The following DYNC1I2 variants were observed in gnomAD, a reference collection of about 807,000 sequenced individuals.
DYNC1I2 encodes the protein dynein cytoplasmic 1 intermediate chain 2.
In DYNC1I2, 53 loss-of-function variants were observed where a neutral mutation model predicts 88.6. The ratio of observed to expected loss-of-function variants is 0.60; its 90% confidence interval spans 0.48 to 0.75. DYNC1I2 has a LOEUF of 0.75. Ranked by LOEUF, DYNC1I2 falls within the 30% of genes least tolerant of loss-of-function variation. DYNC1I2 has a pLI of 0.00. For synonymous variants in DYNC1I2, 198 were observed against 254.6 expected (o/e 0.78, Z 2.12); for missense variants, 458 against 766.6 (o/e 0.60, Z 4.75).
chr2:171,691,476 C>T (rs1188814279), intron 2 of DYNC1I2, among the ~76,000 whole-genome samples: 1 of 151,928 alleles, frequency 6.6e-6, no homozygotes, highest in African/African-American at 2.4e-5. Flanking sequence ...CTCTTGGGGA[C>T]TAAGAGAAAA....
At chr2:171,735,087 T>G (rs1177028855) in intron 15 of DYNC1I2, among the ~76,000 whole-genome samples, 1 of 152,204 alleles carries the variant, frequency 6.6e-6, no homozygotes, top group Non-Finnish European at 1.5e-5. Context: ...AATCGTGAGA[T>G]ATTGCTGTAC....
chr2:171,693,034 C>CT (rs934800855), intron 3 of DYNC1I2, 140 bp downstream of exon 3: 13 of 705,238 alleles, frequency 1.8e-5, no homozygotes, highest in Admixed American at 1.3e-4. Flanking sequence ...TTGGAATTGT[C>CT]TTTTTTTCAG....
rs1338479169 is a variant in DYNC1I2 at position 171,749,263 on chromosome 2, G to T, written c.*1374G>T. On this transcript the variant is annotated 3_prime_UTR_variant, in exon 18 of 18. Transcript: ENST00000397119. ...GTCTGTGCCGCATTCTTTATATGTA[G>T]GAATTAAGTTTTGATTTAATGATTT... Among the ~76,000 whole-genome samples the T allele has an allele frequency of 6.6e-6, 1 of 152,044 alleles. No homozygotes were observed. The highest frequency in any genetic ancestry group is 6.5e-5 in the Admixed American group (1 of 15,270).
rs781370413 is a variant in DYNC1I2 at position 171,729,854 on chromosome 2, G to T, written c.1536+1G>T. ...GACAGTAAAGCTTTGGACAACTAAG[G>T]TATCTAAAATATAGATGTCTGCTAT... On this transcript the variant is annotated splice_donor_variant, in intron 15 of 17. Coordinates refer to ENST00000397119, the MANE Select transcript of DYNC1I2 (RefSeq NM_001378.3). LOFTEE classifies it high-confidence loss of function. 3 of 1,613,478 alleles carry T rather than the reference G, an allele frequency of 1.9e-6. No homozygotes were observed. Among genetic ancestry groups the T allele is most frequent in the South Asian group, 1.1e-5 (1 of 91,048 alleles).
At chr2:171,729,318 T>G (rs959505296) in intron 14 of DYNC1I2, among the ~76,000 whole-genome samples, 3 of 152,150 alleles carry the variant, frequency 2.0e-5, no homozygotes, top group Non-Finnish European at 4.4e-5. Flanking sequence ...AGCTGTACCT[T>G]ATTGCTTCCT....
chr2:171,736,938 G>A (rs570033106), intron 15 of DYNC1I2, among the ~76,000 whole-genome samples: 30 of 152,224 alleles, frequency 2.0e-4, no homozygotes, highest in African/African-American at 7.0e-4. Flanking sequence ...GCTTACCCCA[G>A]CTTTGAAAAA....
chr2:171,713,871 G>T (rs1444060383), intron 6 of DYNC1I2, among the ~76,000 whole-genome samples: 1 of 152,026 alleles, frequency 6.6e-6, no homozygotes, highest in Non-Finnish European at 1.5e-5. Context: ...GCCTCCCATT[G>T]CTTCCTTATT....
chr2:171,715,077 T>G (rs1402856697), intron 6 of DYNC1I2, among the ~76,000 whole-genome samples: 1 of 152,172 alleles, frequency 6.6e-6, no homozygotes, highest in Non-Finnish European at 1.5e-5. Context: ...ACATTTGTTC[T>G]AAAAAAATGA....
At position 171,715,328 on chromosome 2, in the gene DYNC1I2, A is replaced by G. The variant is rs376749327; in HGVS notation, c.396A>G (p.Gly132=). 9 of 1,544,186 alleles carry G rather than the reference A, an allele frequency of 5.8e-6. No homozygotes were observed. The African/African-American group carries it at 1.2e-4, about 21-fold the overall frequency. Residue 132 remains glycine (G), a splice_region_variant and synonymous_variant, in exon 7 of 18, where the codon GGA becomes GGG. Transcript: ENST00000397119. ...TGTTGTTTGTATTTACTTAATTTAG[A>G]CGAGGACCTATTAAACTTGGAATGG... ...VLQLHSDSDL[G]RGPIKLGMAK...
intron 16 of DYNC1I2, among the ~76,000 whole-genome samples, chr2:171,744,800 C>T (rs1390632137): frequency 6.6e-6 from 1 of 151,884 alleles, no homozygotes; most frequent in Non-Finnish European, 1.5e-5. Flanking sequence ...GTATTTTTAC[C>T]AGCTTAGAGA....
At chr2:171,717,366 C>T (rs772638218) in intron 7 of DYNC1I2, among the ~76,000 whole-genome samples, 7 of 152,148 alleles carry the variant, frequency 4.6e-5, no homozygotes, top group South Asian at 2.1e-4. Flanking sequence ...CCACCCACCT[C>T]GGCCTCCCAA....
intron 7 of DYNC1I2, among the ~76,000 whole-genome samples, chr2:171,724,863 T>A (rs1324490437): frequency 6.6e-6 from 1 of 152,236 alleles, no homozygotes; most frequent in Non-Finnish European, 1.5e-5. Flanking sequence ...TTTAAATTAC[T>A]TCCTGGTTTG....
intron 11 of DYNC1I2, among the ~76,000 whole-genome samples, chr2:171,727,328 G>A (rs971073688): frequency 6.6e-6 from 1 of 152,156 alleles, no homozygotes. Context: ...GTTTTAAGTA[G>A]AAACATATGG....
chr2:171,725,607 T>G lies in DYNC1I2; in HGVS notation c.512-11T>G, dbSNP rs1414907764. Reference sequence around the variant, plus strand: ...TTTTGTTTTTTTGTTTGTTTTTTTTTTTTTTTTCAGATGAAGAGGAAGATG... The same window carrying G: ...TTTTGTTTTTTTGTTTGTTTTTTTTGTTTTTTTCAGATGAAGAGGAAGATG... On this transcript the variant is annotated splice_polypyrimidine_tract_variant and intron_variant, in intron 7 of 17. Coordinates refer to ENST00000397119, the MANE Select transcript of DYNC1I2 (RefSeq NM_001378.3). 6 of 1,416,538 alleles carry G rather than the reference T, an allele frequency of 4.2e-6. No individual in the cohort carries two copies. The highest frequency in any genetic ancestry group is 3.0e-5 in the African/African-American group (2 of 66,812). The allele number at this position is 1,416,538 out of a possible 1,614,324, so 87.7% of individuals were successfully genotyped here. A position where few individuals can be genotyped will look rare whatever the true frequency, so the allele number is the denominator to read the frequency against.
At chr2:171,707,562 T>G (rs1341090865) in intron 5 of DYNC1I2, among the ~76,000 whole-genome samples, 185 bp downstream of exon 5, 2 of 152,202 alleles carry the variant, frequency 1.3e-5, no homozygotes, top group African/African-American at 4.8e-5. Flanking sequence ...TTTTTTTTAA[T>G]AATATTTTAA....
chr2:171,746,241 G>T (rs1302999870), intron 17 of DYNC1I2, among the ~76,000 whole-genome samples: 1 of 152,024 alleles, frequency 6.6e-6, no homozygotes, highest in East Asian at 1.9e-4. Flanking sequence ...TGGACTTTGG[G>T]GTTTTATTGA....
At chr2:171,740,941 T>C (rs970767198) in intron 15 of DYNC1I2, among the ~76,000 whole-genome samples, 1 of 152,174 alleles carries the variant, frequency 6.6e-6, no homozygotes, top group African/African-American at 2.4e-5. Flanking sequence ...TTATGCCCAT[T>C]AGCAGTCACT....
At chr2:171,728,553 TAA>T (rs567381386) in intron 13 of DYNC1I2, 135 bp downstream of exon 13, 212 of 809,904 alleles carry the variant, frequency 2.6e-4, no homozygotes, top group East Asian at 2.5e-3. Context: ...GTGTTTAATA[TAA>T]GTTTGTTTCA....
chr2:171,701,678 G>T (rs1686268976), intron 3 of DYNC1I2, among the ~76,000 whole-genome samples: 2 of 152,222 alleles, frequency 1.3e-5, no homozygotes, highest in South Asian at 4.2e-4. Context: ...CTATAGAAAG[G>T]TTTTGAAGAA....
Sources: gnomAD v4.1 joint callset for allele counts (sites outside exome capture counted in the v4.1 genomes callset) on GRCh38, gnomAD v4.1.1 for gene constraint, MANE v1.5 for transcripts, NCBI Gene and HGNC (gene_info 2026-07-23, HGNC 2026-07-21) for gene names.